DNAJC5B: variants seen among roughly 807,000 people sequenced by gnomAD.
DNAJC5B encodes the protein dnaJ homolog subfamily C member 5B.
Under a neutral mutation model 24.7 loss-of-function variants are expected in DNAJC5B, and 23 were observed. The ratio of observed to expected loss-of-function variants is 0.93; its 90% CI spans 0.67 to 1.32. The LOEUF is 1.32. Among genes scored for constraint, DNAJC5B ranks in the 40% most tolerant of loss-of-function variants. DNAJC5B has a pLI of 0.00. For missense variants in DNAJC5B, 238 were observed against 240.8 expected (o/e 0.99, Z 0.08); for synonymous variants, 101 against 90.1 (o/e 1.12, Z -0.68).
chr8:66,081,946 G>A (rs1807605108), intron 5 of DNAJC5B, among the ~76,000 whole-genome samples: 1 of 152,082 alleles, frequency 6.6e-6, no homozygotes, highest in African/African-American at 2.4e-5. Context: ...TTTATACCAA[G>A]AAGACCAAGC....
chr8:66,088,890 C>T (rs1215737705), intron 5 of DNAJC5B, among the ~76,000 whole-genome samples: 1 of 152,176 alleles, frequency 6.6e-6, no homozygotes, highest in Non-Finnish European at 1.5e-5. Flanking sequence ...AACTTTCCCA[C>T]ATCTTCCTGT....
chr8:66,058,314 C>T (rs563134304), intron 3 of DNAJC5B, among the ~76,000 whole-genome samples: 102 of 152,186 alleles, frequency 6.7e-4, no homozygotes, highest in African/African-American at 2.3e-3. Flanking sequence ...TTTTGCTTCT[C>T]GGAGAGGGAA....
intron 3 of DNAJC5B, among the ~76,000 whole-genome samples, chr8:66,059,167 G>A (rs1027264424): frequency 6.6e-6 from 1 of 152,210 alleles, no homozygotes; most frequent in Non-Finnish European, 1.5e-5. Context: ...TCCCAAAGGG[G>A]TTGAAGTCTA....
chr8:66,025,882 T>C (rs1217740321), intron 1 of DNAJC5B, among the ~76,000 whole-genome samples: 2 of 89,142 alleles, frequency 2.2e-5, no homozygotes, highest in Non-Finnish European at 3.8e-5. Flanking sequence ...GCTTTGTTCT[T>C]TTGGCTTAGG....
intron 5 of DNAJC5B, among the ~76,000 whole-genome samples, chr8:66,084,955 GATTT>G (rs1410873315): frequency 6.6e-6 from 1 of 151,904 alleles, no homozygotes; most frequent in African/African-American, 2.4e-5. Context: ...TTAACATTTA[GATTT>G]ATGACGCATT....
intron 3 of DNAJC5B, among the ~76,000 whole-genome samples, chr8:66,065,645 G>C (rs1340717039): frequency 2.0e-5 from 3 of 152,200 alleles, no homozygotes; most frequent in Non-Finnish European, 4.4e-5. Flanking sequence ...GGGGGCTGTA[G>C]GGTTGAAGGA....
At chr8:66,030,246 G>A (rs886808416) in intron 1 of DNAJC5B, among the ~76,000 whole-genome samples, 3 of 152,174 alleles carry the variant, frequency 2.0e-5, no homozygotes, top group African/African-American at 2.4e-5. Flanking sequence ...GTAGCTCAGA[G>A]TCATGACCAG....
At chr8:66,069,076 G>A (rs1050607361) in intron 3 of DNAJC5B, among the ~76,000 whole-genome samples, 1 of 150,478 alleles carries the variant, frequency 6.6e-6, no homozygotes, top group African/African-American at 2.4e-5. Context: ...AATGATAAAA[G>A]AATATATAAT....
Position 66,060,235 on chromosome 8 carries a change from C to G in DNAJC5B, c.119+8569C>G, listed in dbSNP as rs141215887. On this transcript the variant is annotated intron_variant, in intron 3 of 5. Coordinates refer to ENST00000276570, the MANE Select transcript of DNAJC5B (RefSeq NM_033105.6). ...AGATCTCATCCAACAGACCCCCCTC[C>G]TCTTGTGTCAAGGTCATCACACCTG... is the stretch of plus-strand genomic sequence containing the variant. Among the ~76,000 whole-genome samples the G allele has an allele frequency of 7.3e-3, 1,109 of 152,310 alleles. 45 individuals carry two copies. Among genetic ancestry groups the G allele is most frequent in the East Asian group, 9.6e-3 (50 of 5,188 alleles).
At chr8:66,017,724 T>G (rs917067917), upstream of DNAJC5B, among the ~76,000 whole-genome samples, 1 of 152,224 alleles carries the variant, frequency 6.6e-6, no homozygotes, top group African/African-American at 2.4e-5. Flanking sequence ...GAAATCAAAT[T>G]AATGCAGGCC....
intron 5 of DNAJC5B, among the ~76,000 whole-genome samples, chr8:66,099,533 C>T (rs1447720663): frequency 1.3e-5 from 2 of 152,192 alleles, no homozygotes; most frequent in African/African-American, 4.8e-5. Flanking sequence ...GTGCATCTTT[C>T]ATATAAACTA....
chr8:66,088,914 C>T (rs762395203), intron 5 of DNAJC5B, among the ~76,000 whole-genome samples: 1 of 152,204 alleles, frequency 6.6e-6, no homozygotes, highest in South Asian at 2.1e-4. Context: ...CTTCAGAGCC[C>T]TCCAAACTGT....
At chr8:66,036,621 G>A (rs1452144536) in intron 1 of DNAJC5B, among the ~76,000 whole-genome samples, 4 of 152,104 alleles carry the variant, frequency 2.6e-5, no homozygotes, top group Admixed American at 1.3e-4. Flanking sequence ...TTGATTTGGG[G>A]TGAGAAATAT....
intron 1 of DNAJC5B, among the ~76,000 whole-genome samples, chr8:66,028,064 G>T (rs1563584172): frequency 6.6e-6 from 1 of 152,192 alleles, no homozygotes; most frequent in Non-Finnish European, 1.5e-5. Context: ...GAACTTCAAA[G>T]TGCCCCAGGG....
the DNAJC5B span, among the ~76,000 whole-genome samples, chr8:66,016,235 TG>T: frequency 7.9e-5 from 12 of 152,344 alleles, no homozygotes; most frequent in Non-Finnish European, 8.8e-5. Context: ...TGATATGGTT[TG>T]GCTGTGTCCC....
chr8:66,067,765 G>T (rs1282127915), intron 3 of DNAJC5B, among the ~76,000 whole-genome samples: 1 of 152,108 alleles, frequency 6.6e-6, no homozygotes, highest in African/African-American at 2.4e-5. Flanking sequence ...AACTTATTGG[G>T]ATATATGTGA....
intron 5 of DNAJC5B, among the ~76,000 whole-genome samples, chr8:66,081,782 G>C (rs186226494): frequency 6.6e-6 from 1 of 152,218 alleles, no homozygotes; most frequent in Admixed American, 6.5e-5. Context: ...GTGGGGACCT[G>C]TAGGTGGCCA....
chr8:66,042,588 T>TTCTTCTTCC (rs1206150324), intron 1 of DNAJC5B, among the ~76,000 whole-genome samples: 1 of 132,504 alleles, frequency 7.5e-6, no homozygotes, highest in Non-Finnish European at 1.5e-5. Flanking sequence ...GTGTTTCTTC[T>TTCTTCTTCC]TCTTCTTCCT....
intron 2 of DNAJC5B, among the ~76,000 whole-genome samples, chr8:66,048,970 C>G (rs574873838): frequency 3.9e-5 from 6 of 152,306 alleles, no homozygotes; most frequent in African/African-American, 1.4e-4. Flanking sequence ...TCTATGAGAT[C>G]CCTCGTCTGT....
Sources: gnomAD v4.1 joint callset for allele counts (sites outside exome capture counted in the v4.1 genomes callset) on GRCh38, gnomAD v4.1.1 for gene constraint, MANE v1.5 for transcripts, NCBI Gene and HGNC (gene_info 2026-07-23, HGNC 2026-07-21) for gene names.